The following ZC3HC1 variants were observed in gnomAD, a reference collection of about 807,000 sequenced individuals.
ZC3HC1 encodes the protein zinc finger C3HC-type containing 1.
ZC3HC1 carries 38 observed loss-of-function variants against 61.9 expected under a neutral mutation model. The observed-to-expected ratio is 0.61, with a 90% confidence interval of 0.47 to 0.81. The LOEUF (loss-of-function observed/expected upper bound fraction) is 0.81. ZC3HC1 is among the 30% of genes least tolerant of loss of function. The pLI is 0.00. For synonymous variants in ZC3HC1, 213 were observed against 229.9 expected (o/e 0.93, Z 0.67); for missense variants, 554 against 622.7 (o/e 0.89, Z 1.17).
At chr7:130,026,666 A>C (rs889418029) in intron 5 of ZC3HC1, 1 of 165,250 alleles carries the variant, frequency 6.1e-6, no homozygotes, top group Non-Finnish European at 1.3e-5. Flanking sequence ...GCCTGACACT[A>C]AATTTACTTA....
In ZC3HC1 at chr7:130,035,424, G is replaced by A. The variant is rs1794394998; in HGVS notation, c.493+4040C>T. ...AAAAAAAAAACAGCCGAGTGAAGTG[G>A]CTTCCTTCTTCAAAAAATCTCGTAG... is the stretch of plus-strand genomic sequence containing the variant. On this transcript the variant is annotated intron_variant, in intron 4 of 9. Transcript: ENST00000358303. Among the ~76,000 whole-genome samples the A allele has an allele frequency of 1.3e-5, 2 of 151,488 alleles. 1 individual carries two copies. Among genetic ancestry groups the A allele is most frequent in the South Asian group, 4.2e-4 (2 of 4,806 alleles).
At chr7:130,050,516 A>C in intron 1 of ZC3HC1, 1 of 1,466,516 alleles carries the variant, frequency 6.8e-7, no homozygotes, top group Non-Finnish European at 8.9e-7. Flanking sequence ...CACAGCATCC[A>C]TAAACTTGGA....
intron 2 of ZC3HC1, among the ~76,000 whole-genome samples, chr7:130,046,461 G>A (rs1321816757): frequency 6.6e-6 from 1 of 151,974 alleles, no homozygotes; most frequent in Non-Finnish European, 1.5e-5. Flanking sequence ...CAAAAAATTA[G>A]CCAGGCATGG....
chr7:130,049,172 A>G (rs369612838), intron 1 of ZC3HC1, 28 bp from the exon 2 acceptor site: 6 of 1,552,020 alleles, frequency 3.9e-6, no homozygotes, highest in Non-Finnish European at 5.3e-6. Flanking sequence ...AACTGTTGGT[A>G]AACCTTTCAC....
intron 6 of ZC3HC1, among the ~76,000 whole-genome samples, chr7:130,025,870 CAAAAAAAAAA>C (rs71175064): frequency 3.4e-5 from 2 of 58,580 alleles, no homozygotes; most frequent in Admixed American, 2.7e-4. Context: ...GACTCCGTCT[CAAAAAAAAAA>C]AAAAAAAAAA....
In ZC3HC1 at chr7:130,051,345, G is replaced by T; in HGVS notation, c.22C>A (p.Gln8Lys). ...TTTTCAACCCCTACGGCAAACGCTT[G>T]TCCCTCACAGGGCGCCGCCATCTTG... MAAPCEG[Q>K]AFAVGVEKNW... The change falls in exon 1 of 10, where the codon CAA (glutamine) becomes AAA (lysine). Residue 8 changes from glutamine (Q) to lysine (K), a missense_variant. Coordinates refer to ENST00000358303, the MANE Select transcript of ZC3HC1 (RefSeq NM_016478.5). 6.2e-7 allele frequency: 1 copy of T among 1,613,084 alleles called. No individual in the cohort carries two copies. Among genetic ancestry groups the T allele is most frequent in the Non-Finnish European group, 8.5e-7 (1 of 1,179,466 alleles).
At chr7:130,026,026 C>G (rs571763414) in intron 6 of ZC3HC1, 132 bp downstream of exon 6, 3 of 1,039,292 alleles carry the variant, frequency 2.9e-6, no homozygotes, top group Non-Finnish European at 4.1e-6. Flanking sequence ...CACCATCCCC[C>G]ACCCAGTTTT....
intron 9 of ZC3HC1, among the ~76,000 whole-genome samples, chr7:130,020,695 C>T (rs889697496): frequency 1.9e-4 from 29 of 152,176 alleles, no homozygotes; most frequent in African/African-American, 7.0e-4. Flanking sequence ...AATCCAGGGC[C>T]AATTATGAGG....
At chr7:130,019,768 AT>A in intron 9 of ZC3HC1, among the ~76,000 whole-genome samples, 1 of 147,588 alleles carries the variant, frequency 6.8e-6, no homozygotes, top group East Asian at 2.0e-4. Flanking sequence ...TAGCAAGATG[AT>A]CCACAGTTAC....
At chr7:130,041,440 T>C (rs1339882929) in intron 2 of ZC3HC1, among the ~76,000 whole-genome samples, 1 of 151,816 alleles carries the variant, frequency 6.6e-6, no homozygotes, top group East Asian at 1.9e-4. Flanking sequence ...CTGCCCACCT[T>C]GGCCTCCCAA....
chr7:130,020,984 G>T (rs951043959), intron 9 of ZC3HC1, among the ~76,000 whole-genome samples: 2 of 151,728 alleles, frequency 1.3e-5, no homozygotes, highest in Non-Finnish European at 2.9e-5. Flanking sequence ...TGCAACCTCC[G>T]CCTCCTGGGT....
intron 2 of ZC3HC1, chr7:130,043,683 T>C (rs749137709): frequency 6.1e-6 from 2 of 327,874 alleles, no homozygotes; most frequent in Non-Finnish European, 1.2e-5. Context: ...ACAAGGAAGA[T>C]GTCAGAGCCA....
At chr7:130,019,054 C>CTTTCTTTTTT (rs779856466) in intron 9 of ZC3HC1, among the ~76,000 whole-genome samples, 2 of 132,982 alleles carry the variant, frequency 1.5e-5, no homozygotes, top group African/African-American at 2.8e-5. Flanking sequence ...ACTGGTTTTT[C>CTTTCTTTTTT]TTTTTTTTTT....
At position 130,018,484 on chromosome 7, in the gene ZC3HC1, G is replaced by A. The variant is rs976048096; in HGVS notation, c.*180C>T. On this transcript the variant is annotated 3_prime_UTR_variant, in exon 10 of 10. Transcript: ENST00000358303. ...CCTGTCCACATCCCTGAAAGGAAAC[G>A]GGTCTCTCTCAGCCAGATGCAGATA... The A allele has an allele frequency of 7.2e-6, 4 of 554,124 alleles. No individual in the cohort carries two copies. The highest frequency in any genetic ancestry group is 9.8e-6 in the Non-Finnish European group (3 of 307,296). 34.3% of individuals were successfully genotyped at this position (554,124 alleles called of 1,614,324 possible). A position where few individuals can be genotyped will look rare whatever the true frequency, so the allele number is the denominator to read the frequency against.
At position 130,049,240 on chromosome 7, in the gene ZC3HC1, C is replaced by G. The variant is rs1411506281; in HGVS notation, c.147-96G>C. ...CTACACATCGTATCATAAATCACAC[C>G]AACGCTGGATTTTAAGCTTCCTAAA... On this transcript the variant is annotated intron_variant, in intron 1 of 9. Coordinates refer to ENST00000358303, the MANE Select transcript of ZC3HC1 (RefSeq NM_016478.5). The G allele has an allele frequency of 3.7e-6, 3 of 802,938 alleles. No individual in the cohort carries two copies. The African/African-American group carries it at 5.3e-5, about 14-fold the overall frequency. 49.7% of individuals were successfully genotyped at this position (802,938 alleles called of 1,614,324 possible).
chr7:130,028,326 G>A (rs987672579), intron 5 of ZC3HC1, among the ~76,000 whole-genome samples: 16 of 152,004 alleles, frequency 1.1e-4, no homozygotes, highest in Non-Finnish European at 2.1e-4. Flanking sequence ...TGGATCACCT[G>A]AGGTCAGGAG....
Position 130,028,982 on chromosome 7 carries a change from C to T in ZC3HC1, c.541G>A (p.Glu181Lys). The T allele has an allele frequency of 6.2e-7, 1 of 1,613,746 alleles. No individual in the cohort carries two copies. The highest frequency in any genetic ancestry group is 2.2e-5 in the East Asian group (1 of 44,842). Residue 181 changes from glutamate to lysine, a missense_variant, in exon 5 of 10, where the codon GAA (glutamate) becomes AAA (lysine). Coordinates refer to ENST00000358303, the MANE Select transcript of ZC3HC1 (RefSeq NM_016478.5). ...AGGCTTTGAAAACGATCTAGGAATT[C>T]ACTAACAAGAATAGCAGGCTCATCC... ...PLDEPAILVS[E>K]FLDRFQSLCH...
At chr7:130,042,606 C>T (rs1366459345) in intron 2 of ZC3HC1, among the ~76,000 whole-genome samples, 1 of 152,178 alleles carries the variant, frequency 6.6e-6, no homozygotes, top group Non-Finnish European at 1.5e-5. Flanking sequence ...CAGCTAAAAG[C>T]ATCTGTAAGT....
intron 4 of ZC3HC1, among the ~76,000 whole-genome samples, chr7:130,035,685 C>T (rs1794405520): frequency 6.6e-6 from 1 of 152,046 alleles, no homozygotes; most frequent in African/African-American, 2.4e-5. Context: ...GGTTTCACCA[C>T]ATTGGCTAGG....
Sources: allele counts gnomAD v4.1 joint callset (sites outside exome capture counted in the v4.1 genomes callset), GRCh38; gene constraint gnomAD v4.1.1; transcripts MANE v1.5; gene names NCBI Gene and HGNC (gene_info 2026-07-23, HGNC 2026-07-21).